Variants in PIK3C2G observed in about 807,000 individuals in gnomAD.
PIK3C2G encodes the protein phosphatidylinositol-4-phosphate 3-kinase catalytic subunit type 2 gamma.
In PIK3C2G, 168 loss-of-function variants were observed where a neutral mutation model predicts 181.1. That is an observed-to-expected ratio of 0.93 (90% CI 0.82 to 1.05). The LOEUF (loss-of-function observed/expected upper bound fraction) is 1.05. Ranked by LOEUF, PIK3C2G falls within the 50% of genes least tolerant of loss-of-function variation. The pLI is 0.00. For missense variants in PIK3C2G, 1,869 were observed against 1,732.8 expected (o/e 1.08, Z -1.40); for synonymous variants, 573 against 592.2 (o/e 0.97, Z 0.47).
At chr12:18,317,958 C>G (rs1430612708) in intron 6 of PIK3C2G, among the ~76,000 whole-genome samples, 1 of 152,178 alleles carries the variant, frequency 6.6e-6, no homozygotes, top group African/African-American at 2.4e-5. Flanking sequence ...TAAGCAGTAG[C>G]TATTGACGTC....
intron 16 of PIK3C2G, among the ~76,000 whole-genome samples, chr12:18,401,506 T>C (rs556990755): frequency 2.3e-4 from 35 of 152,166 alleles, no homozygotes; most frequent in African/African-American, 8.2e-4. Flanking sequence ...AAGTTAGACT[T>C]GGGCTATTAG....
chr12:18,414,969 G>A (rs1413399311), intron 16 of PIK3C2G, among the ~76,000 whole-genome samples: 2 of 152,148 alleles, frequency 1.3e-5, no homozygotes, highest in Non-Finnish European at 2.9e-5. Context: ...TCAAGCAATA[G>A]TAATAAATAA....
chr12:18,497,580 C>T, intron 21 of PIK3C2G, 39 bp from the exon 22 acceptor site: 4 of 1,562,084 alleles, frequency 2.6e-6, no homozygotes, highest in Non-Finnish European at 3.5e-6. Context: ...TTAACAAATT[C>T]AAGGAAAAAC....
intron 31 of PIK3C2G, among the ~76,000 whole-genome samples, chr12:18,613,438 G>C (rs1264761784): frequency 6.6e-6 from 1 of 152,070 alleles, no homozygotes; most frequent in Non-Finnish European, 1.5e-5. Context: ...ACATGAGAGA[G>C]AGAGAAGTAG....
intron 30 of PIK3C2G, among the ~76,000 whole-genome samples, chr12:18,599,731 T>C (rs977117545): frequency 2.6e-5 from 4 of 151,206 alleles, no homozygotes; most frequent in African/African-American, 7.3e-5. Context: ...AACAAAGTGA[T>C]TGTGAAAGGT....
the PIK3C2G span, among the ~76,000 whole-genome samples, chr12:18,668,159 T>C: frequency 6.6e-6 from 1 of 152,106 alleles, no homozygotes; most frequent in African/African-American, 2.4e-5. Flanking sequence ...GACTAGCAGG[T>C]AGTGAAATTT....
At chr12:18,695,009 A>G in the PIK3C2G span, 1 of 1,612,254 alleles carries the variant, frequency 6.2e-7, no homozygotes, top group Non-Finnish European at 8.5e-7. Context: ...TATATCCAGA[A>G]CCACCATTAT....
intron 31 of PIK3C2G, among the ~76,000 whole-genome samples, chr12:18,617,856 A>T (rs1358419310): frequency 1.3e-5 from 2 of 152,174 alleles, no homozygotes; most frequent in South Asian, 2.1e-4. Context: ...ATTAGGTGTA[A>T]TGTGAAACCT....
At position 18,640,540 on chromosome 12, in the gene PIK3C2G, AC is replaced by A. The variant is rs767150021; in HGVS notation, c.4295del (p.Thr1432IlefsTer6). ...ATCTGTTCCAAAATGTACGGACCCCACTTACAATGAAATTGTAAGTATAAGT... is the reference window on the plus strand; with the variant it reads ...ATCTGTTCCAAAATGTACGGACCCCATTACAATGAAATTGTAAGTATAAGT... ...TKSVPKCTDPTYNEIVVYDEV... is the reference protein window; with the variant it reads ...TKSVPKCTDPXYNEIVVYDEV... On this transcript the variant is annotated frameshift_variant, in exon 32 of 33. Coordinates refer to ENST00000538779, the MANE Select transcript of PIK3C2G (RefSeq NM_001288772.2). LOFTEE classifies it high-confidence loss of function. 21 of 1,597,850 alleles carry A rather than the reference AC, an allele frequency of 1.3e-5. No individual in the cohort carries two copies. Among genetic ancestry groups the A allele is most frequent in the Non-Finnish European group, 1.8e-5 (21 of 1,170,770 alleles).
chr12:18,376,988 A>T (rs1942491248), intron 13 of PIK3C2G, among the ~76,000 whole-genome samples: 1 of 152,190 alleles, frequency 6.6e-6, no homozygotes, highest in Non-Finnish European at 1.5e-5. Context: ...AATCTCAGGA[A>T]TTTCTTTTTA....
chr12:18,370,700 C>A (rs1427616165), intron 12 of PIK3C2G, among the ~76,000 whole-genome samples: 2 of 152,138 alleles, frequency 1.3e-5, no homozygotes, highest in Non-Finnish European at 2.9e-5. Flanking sequence ...CACAATGAAC[C>A]ATTCACCATT....
At chr12:18,672,059 G>A in the PIK3C2G span, among the ~76,000 whole-genome samples, 1 of 152,094 alleles carries the variant, frequency 6.6e-6, no homozygotes, top group African/African-American at 2.4e-5. Context: ...TTGAGGATTC[G>A]ATTTCAGCAT....
At chr12:18,300,337 C>T (rs1288640886) in intron 5 of PIK3C2G, among the ~76,000 whole-genome samples, 1 of 151,900 alleles carries the variant, frequency 6.6e-6, no homozygotes, top group African/African-American at 2.4e-5. Flanking sequence ...TAGTTATATG[C>T]TCTTGCTGAA....
At chr12:18,338,294 C>G (rs1938745629) in intron 8 of PIK3C2G, 132 bp from the exon 9 acceptor site, 2 of 694,976 alleles carry the variant, frequency 2.9e-6, no homozygotes, top group Non-Finnish European at 4.8e-6. Flanking sequence ...TGAGAACTTT[C>G]TTTTTGTGTG....
chr12:18,677,651 A>G, the PIK3C2G span, among the ~76,000 whole-genome samples: 5 of 152,126 alleles, frequency 3.3e-5, no homozygotes, highest in Admixed American at 1.3e-4. Flanking sequence ...AGAACGCCAC[A>G]CCAATTTCAT....
intron 15 of PIK3C2G, among the ~76,000 whole-genome samples, chr12:18,398,559 GT>G (rs1451380732): frequency 6.6e-6 from 1 of 152,186 alleles, no homozygotes; most frequent in African/African-American, 2.4e-5. Flanking sequence ...TTGGAGGAGA[GT>G]GCGCAAAAGC....
the PIK3C2G span, chr12:18,723,405 A>G: frequency 6.2e-7 from 1 of 1,613,034 alleles, no homozygotes; most frequent in Non-Finnish European, 8.5e-7. Flanking sequence ...ATTGAGCCAG[A>G]TTACTTGCTA....
chr12:18,371,379 G>T, intron 13 of PIK3C2G, 68 bp downstream of exon 13: 1 of 1,323,708 alleles, frequency 7.6e-7, no homozygotes, highest in Non-Finnish European at 1.0e-6. Flanking sequence ...TAAATATTTT[G>T]GAGTATATGG....
At chr12:18,506,305 C>T (rs997608300) in intron 24 of PIK3C2G, among the ~76,000 whole-genome samples, 8 of 152,002 alleles carry the variant, frequency 5.3e-5, no homozygotes, top group East Asian at 3.9e-4. Context: ...TTGGTGGAGG[C>T]CCAATCAGGT....
Sources: allele counts gnomAD v4.1 joint callset (sites outside exome capture counted in the v4.1 genomes callset), GRCh38; gene constraint gnomAD v4.1.1; transcripts MANE v1.5; gene names NCBI Gene and HGNC (gene_info 2026-07-23, HGNC 2026-07-21).